The following CLEC16A variants were observed in gnomAD, a reference collection of about 807,000 sequenced individuals.
CLEC16A encodes the protein C-type lectin domain containing 16A, also known as protein CLEC16A.
In CLEC16A, 51 loss-of-function variants were observed where a neutral mutation model predicts 109.5. That is an observed-to-expected ratio of 0.47 (90% confidence interval 0.37 to 0.59). The LOEUF (loss-of-function observed/expected upper bound fraction) is 0.59. Ranked by LOEUF, CLEC16A falls within the 20% of genes least tolerant of loss-of-function variation. The pLI is 0.00. For missense variants in CLEC16A, 1,339 were observed against 1,394.0 expected (o/e 0.96, Z 0.63); for synonymous variants, 673 against 564.2 (o/e 1.19, Z -2.73).
At chr16:11,145,236 C>T (rs1183549235) in intron 22 of CLEC16A, among the ~76,000 whole-genome samples, 3 of 152,214 alleles carry the variant, frequency 2.0e-5, no homozygotes, top group Admixed American at 6.5e-5. Flanking sequence ...CGACCACACA[C>T]AGCCCTTGGA....
At position 10,944,772 on chromosome 16, in the gene CLEC16A, A is replaced by G. The variant is rs1215096047; in HGVS notation, c.55A>G (p.Asn19Asp). ...VGGGHGKTSR[N>D]IHSLDHLKYL... ...CGGGGGCCATGGCAAGACTTCCCGC[A>G]ACATCCACTCCTTGGACCACCTCAA... Residue 19 changes from asparagine to aspartate, a missense_variant, in exon 1 of 24, where the codon AAC (asparagine) becomes GAC (aspartate). Asn to Asp is a conservative substitution (Grantham distance 23). Transcript: ENST00000409790. The G allele has an allele frequency of 2.5e-6, 4 of 1,609,734 alleles. No homozygotes were observed. The African/African-American group carries it at 5.3e-5, about 22-fold the overall frequency.
At position 10,975,647 on chromosome 16, in the gene CLEC16A, C is replaced by A. The variant is rs139890258; in HGVS notation, c.729-1578C>A. 1.8e-4 allele frequency among the ~76,000 whole-genome samples: 27 copies of A among 151,992 alleles called. No individual in the cohort carries two copies. In the East Asian group the frequency reaches 5.1e-3, roughly 29 times the overall value. On this transcript the variant is annotated intron_variant, in intron 7 of 23. Transcript: ENST00000409790. Reference sequence around the variant, plus strand: ...TTTGCTGTAAATATTTACCAAATATCTTTTTTCTTTTCTTTTTTGAGATGG... The same window carrying A: ...TTTGCTGTAAATATTTACCAAATATATTTTTTCTTTTCTTTTTTGAGATGG...
At chr16:11,161,396 G>C (rs2054716405) in intron 22 of CLEC16A, among the ~76,000 whole-genome samples, 1 of 152,190 alleles carries the variant, frequency 6.6e-6, no homozygotes, top group African/African-American at 2.4e-5. Flanking sequence ...GGTTTGTAAA[G>C]ACAGAAAAGA....
intron 10 of CLEC16A, among the ~76,000 whole-genome samples, chr16:10,998,052 C>T (rs2044433935): frequency 1.3e-5 from 2 of 152,192 alleles, no homozygotes; most frequent in Admixed American, 1.3e-4. Flanking sequence ...CCTCCCATCC[C>T]ATTGCTGCCC....
rs775200195 is a variant in CLEC16A at position 11,172,099 on chromosome 16, CA to C, written c.2806+5550del. On this transcript the variant is annotated intron_variant, in intron 23 of 23. Coordinates refer to ENST00000409790, the MANE Select transcript of CLEC16A (RefSeq NM_015226.3). ...ATGCCACTGCACATGCTCACATACA[CA>C]AATTTGCATGCATAGTCACACACAC... Among the ~76,000 whole-genome samples the C allele has an allele frequency of 1.7e-4, 26 of 152,046 alleles. 1 individual carries two copies. Among genetic ancestry groups the C allele is most frequent in the Non-Finnish European group, 3.1e-4 (21 of 67,984 alleles).
At chr16:11,106,505 C>T (rs184488815) in intron 19 of CLEC16A, among the ~76,000 whole-genome samples, 28 of 145,158 alleles carry the variant, frequency 1.9e-4, no homozygotes, top group African/African-American at 5.7e-4. Context: ...GTTTCCCAGG[C>T]GAGAATAGCT....
intron 13 of CLEC16A, among the ~76,000 whole-genome samples, chr16:11,033,613 G>T (rs752495390): frequency 2.5e-4 from 38 of 152,276 alleles, no homozygotes; most frequent in Admixed American, 1.2e-3. Context: ...TTGACCTTCA[G>T]CCTCACTTTT....
chr16:10,967,272 A>G (rs1370693246), intron 3 of CLEC16A, among the ~76,000 whole-genome samples: 1 of 152,076 alleles, frequency 6.6e-6, no homozygotes, highest in East Asian at 1.9e-4. Flanking sequence ...ATGATTCCCA[A>G]CAGACTGTTG....
At chr16:11,053,594 C>G (rs2048059141) in intron 18 of CLEC16A, among the ~76,000 whole-genome samples, 1 of 152,164 alleles carries the variant, frequency 6.6e-6, no homozygotes, top group African/African-American at 2.4e-5. Context: ...TGGTCTTGAA[C>G]TCCTGGACCC....
intron 10 of CLEC16A, among the ~76,000 whole-genome samples, chr16:10,996,673 T>C (rs1027399796): frequency 6.6e-6 from 1 of 152,104 alleles, no homozygotes; most frequent in African/African-American, 2.4e-5. Context: ...CCTCTTCTCT[T>C]CCAGCGTCTG....
At chr16:11,166,336 C>T (rs2068258733) in intron 22 of CLEC16A, 52 bp from the exon 23 acceptor site, 10 of 1,535,702 alleles carry the variant, frequency 6.5e-6, no homozygotes, top group Non-Finnish European at 8.8e-6. Context: ...ACATTGAGGC[C>T]CTCAGGCCTA....
At chr16:11,013,056 AG>A (rs2045533828) in intron 11 of CLEC16A, among the ~76,000 whole-genome samples, 2 of 152,200 alleles carry the variant, frequency 1.3e-5, no homozygotes, top group South Asian at 4.1e-4. Flanking sequence ...TGGACATGCC[AG>A]GGAACTTAAC....
intron 13 of CLEC16A, among the ~76,000 whole-genome samples, chr16:11,032,738 C>T (rs1014146215): frequency 6.6e-6 from 1 of 152,202 alleles, no homozygotes; most frequent in East Asian, 1.9e-4. Context: ...GGGCAAGAGT[C>T]CTCCAGGTGA....
intron 19 of CLEC16A, among the ~76,000 whole-genome samples, chr16:11,084,836 G>C (rs1281666144): frequency 6.6e-6 from 1 of 152,214 alleles, no homozygotes; most frequent in African/African-American, 2.4e-5. Flanking sequence ...ACACTGTGGA[G>C]AAAGAGGTAG....
intron 14 of CLEC16A, chr16:11,041,589 G>T (rs569106171): frequency 6.6e-6 from 1 of 152,440 alleles, no homozygotes; most frequent in East Asian, 1.9e-4. Context: ...CTAGTTGGAA[G>T]AGAGATCTCG....
intron 19 of CLEC16A, among the ~76,000 whole-genome samples, chr16:11,109,834 G>C (rs891090390): frequency 6.6e-6 from 1 of 152,182 alleles, no homozygotes; most frequent in African/African-American, 2.4e-5. Flanking sequence ...TGAAAGATTT[G>C]CTAATGTTTA....
chr16:11,134,636 G>C (rs1227089075), intron 22 of CLEC16A, among the ~76,000 whole-genome samples: 2 of 152,124 alleles, frequency 1.3e-5, no homozygotes, highest in African/African-American at 2.4e-5. Flanking sequence ...TTACTTACTG[G>C]TTTAGCTTCA....
At chr16:11,118,252 C>A (rs923651811) in intron 19 of CLEC16A, among the ~76,000 whole-genome samples, 1 of 152,174 alleles carries the variant, frequency 6.6e-6, no homozygotes, top group Admixed American at 6.5e-5. Flanking sequence ...CTGCACCCAG[C>A]TGGGGACAAC....
chr16:11,029,192 C>T (rs977215795), intron 13 of CLEC16A, among the ~76,000 whole-genome samples: 16 of 152,196 alleles, frequency 1.1e-4, no homozygotes, highest in African/African-American at 2.6e-4. Flanking sequence ...GGGCTAACTT[C>T]GCCCTATTAC....
Sources: gnomAD v4.1 joint callset for allele counts (sites outside exome capture counted in the v4.1 genomes callset) on GRCh38, gnomAD v4.1.1 for gene constraint, MANE v1.5 for transcripts, NCBI Gene and HGNC (gene_info 2026-07-23, HGNC 2026-07-21) for gene names.